The following MYO3B variants were observed in gnomAD, a reference collection of about 807,000 sequenced individuals.
MYO3B encodes the protein myosin-IIIb.
MYO3B carries 156 observed loss-of-function variants against 174.6 expected under a neutral mutation model. The ratio of observed to expected loss-of-function variants is 0.89; its 90% confidence interval spans 0.78 to 1.02. The LOEUF is 1.02. MYO3B is among the 50% of genes least tolerant of loss of function. The pLI is 0.00. For synonymous variants in MYO3B, 563 were observed against 569.1 expected, an observed-to-expected ratio of 0.99 and a Z score of 0.15; for missense variants, 1,632 against 1,639.4, an observed-to-expected ratio of 1.00 and a Z score of 0.08.
At chr2:170,449,170 C>T (rs144038483) in intron 23 of MYO3B, among the ~76,000 whole-genome samples, 123 of 152,258 alleles carry the variant, frequency 8.1e-4, no homozygotes, top group Middle Eastern at 3.4e-3. Flanking sequence ...ACCCAGTACA[C>T]GGACTGTGTA....
chr2:170,470,028 G>C (rs1200247090), intron 25 of MYO3B, among the ~76,000 whole-genome samples: 1 of 149,820 alleles, frequency 6.7e-6, no homozygotes, highest in Non-Finnish European at 1.5e-5. Context: ...CTTGAAACTG[G>C]GAGGTGAAGG....
At chr2:170,455,142 C>A (rs936708993) in intron 23 of MYO3B, among the ~76,000 whole-genome samples, 1 of 152,232 alleles carries the variant, frequency 6.6e-6, no homozygotes, top group African/African-American at 2.4e-5. Flanking sequence ...ACTCCTAAAC[C>A]ATGATTTCTA....
chr2:170,574,366 AT>A (rs1271401759), intron 32 of MYO3B, among the ~76,000 whole-genome samples: 1 of 152,010 alleles, frequency 6.6e-6, no homozygotes, highest in African/African-American at 2.4e-5. Context: ...CAATTTGGGG[AT>A]TTTTTTGCAA....
chr2:170,364,828 A>G (rs1374504412), intron 8 of MYO3B, among the ~76,000 whole-genome samples: 1 of 152,206 alleles, frequency 6.6e-6, no homozygotes, highest in East Asian at 1.9e-4. Context: ...GTCTTAAGCA[A>G]CAACAATTAT....
At chr2:170,227,889 C>T (rs1291736452) in intron 6 of MYO3B, among the ~76,000 whole-genome samples, 1 of 152,256 alleles carries the variant, frequency 6.6e-6, no homozygotes, top group East Asian at 1.9e-4. Context: ...GCGCATATAT[C>T]TCTTAACTTT....
chr2:170,563,916 A>G (rs1162632112), intron 32 of MYO3B, among the ~76,000 whole-genome samples: 1 of 152,206 alleles, frequency 6.6e-6, no homozygotes, highest in Non-Finnish European at 1.5e-5. Flanking sequence ...AGTTCAGTTG[A>G]TTACATTGCT....
intron 22 of MYO3B, among the ~76,000 whole-genome samples, 182 bp downstream of exon 22, chr2:170,408,026 G>GA (rs1229529425): frequency 6.6e-6 from 1 of 152,226 alleles, no homozygotes; most frequent in African/African-American, 2.4e-5. Context: ...GAATTGTGCA[G>GA]CATCCGTGTG....
At chr2:170,621,808 C>T (rs75651575) in intron 32 of MYO3B, among the ~76,000 whole-genome samples, 42 of 152,154 alleles carry the variant, frequency 2.8e-4, no homozygotes, top group Non-Finnish European at 3.7e-4. Context: ...CAGGCATTAG[C>T]CACCATGCCC....
intron 30 of MYO3B, among the ~76,000 whole-genome samples, chr2:170,536,217 AT>A (rs1246586198): frequency 6.6e-6 from 1 of 152,222 alleles, no homozygotes; most frequent in Non-Finnish European, 1.5e-5. Context: ...GCTCAGTGGG[AT>A]TTGAGAAATT....
At chr2:170,614,393 C>T (rs1234156120) in intron 32 of MYO3B, among the ~76,000 whole-genome samples, 2 of 152,118 alleles carry the variant, frequency 1.3e-5, no homozygotes, top group East Asian at 3.8e-4. Context: ...GATTCCTGGG[C>T]TCTCTTTGGA....
At chr2:170,386,621 A>C (rs1473953435) in intron 13 of MYO3B, among the ~76,000 whole-genome samples, 1 of 152,212 alleles carries the variant, frequency 6.6e-6, no homozygotes, top group African/African-American at 2.4e-5. Context: ...GTAAAATAGA[A>C]GCCTTTGAGC....
At chr2:170,224,179 G>A (rs1162045322) in intron 6 of MYO3B, among the ~76,000 whole-genome samples, 1 of 152,218 alleles carries the variant, frequency 6.6e-6, no homozygotes, top group African/African-American at 2.4e-5. Context: ...CAGGGACTAT[G>A]ATAGGGGCTT....
chr2:170,621,515 G>GTTTTTTTT (rs145064554), intron 32 of MYO3B, among the ~76,000 whole-genome samples: 2 of 144,702 alleles, frequency 1.4e-5, no homozygotes. Context: ...TTGTTTTTTT[G>GTTTTTTTT]TTTTTTTGTT....
At chr2:170,331,009 C>G (rs1055587433) in intron 7 of MYO3B, among the ~76,000 whole-genome samples, 1 of 152,118 alleles carries the variant, frequency 6.6e-6, no homozygotes, top group African/African-American at 2.4e-5. Flanking sequence ...GTGCTGGGCA[C>G]TATAGATACA....
intron 14 of MYO3B, 112 bp from the exon 15 acceptor site, chr2:170,391,408 T>A (rs2094410700): frequency 1.8e-6 from 1 of 557,440 alleles, no homozygotes; most frequent in Admixed American, 3.8e-5. Flanking sequence ...TTTAATTGCC[T>A]GAAAATACAA....
chr2:170,499,551 C>T, intron 26 of MYO3B, 95 bp from the exon 27 acceptor site: 1 of 1,122,362 alleles, frequency 8.9e-7, no homozygotes, highest in Non-Finnish European at 1.3e-6. Context: ...TTATTTATAT[C>T]ATTGTTTTAA....
intron 32 of MYO3B, among the ~76,000 whole-genome samples, chr2:170,625,358 G>GTGTT (rs1575278103): frequency 6.6e-6 from 1 of 152,318 alleles, no homozygotes; most frequent in Middle Eastern, 3.4e-3. Context: ...TTGCATAGAG[G>GTGTT]TGTTTATAGT....
At chr2:170,279,285 C>A (rs2093487563) in intron 7 of MYO3B, among the ~76,000 whole-genome samples, 1 of 152,066 alleles carries the variant, frequency 6.6e-6, no homozygotes, top group African/African-American at 2.4e-5. Flanking sequence ...TGCGTCCTTG[C>A]CAGCACATTT....
intron 22 of MYO3B, among the ~76,000 whole-genome samples, chr2:170,409,421 A>G (rs2094531798): frequency 6.6e-6 from 1 of 152,254 alleles, no homozygotes; most frequent in African/African-American, 2.4e-5. Flanking sequence ...TGATAGAAAC[A>G]AAAGTGAAAA....
Sources: gnomAD v4.1 joint callset for allele counts (sites outside exome capture counted in the v4.1 genomes callset) on GRCh38, gnomAD v4.1.1 for gene constraint, MANE v1.5 for transcripts, NCBI Gene and HGNC (gene_info 2026-07-23, HGNC 2026-07-21) for gene names.